The following BORCS8 variants were observed in gnomAD, a reference collection of about 807,000 sequenced individuals.
The protein encoded by BORCS8 is BLOC-1-related complex subunit 8.
BORCS8 carries 13 observed loss-of-function variants against 18.7 expected under a neutral mutation model. The observed-to-expected ratio is 0.70, with a 90% confidence interval of 0.45 to 1.11. The LOEUF is 1.11. Among genes scored for constraint, BORCS8 ranks in the 50% least tolerant of loss-of-function variants. The pLI, the probability that BORCS8 is intolerant of heterozygous loss-of-function variation, is 0.00. For synonymous variants in BORCS8, 68 were observed against 64.8 expected (o/e 1.05, Z -0.24); for missense variants, 165 against 165.7 (o/e 1.00, Z 0.02).
intron 1 of BORCS8, among the ~76,000 whole-genome samples, chr19:19,188,959 C>T (rs1460858324): frequency 6.6e-6 from 1 of 151,996 alleles, no homozygotes; most frequent in Non-Finnish European, 1.5e-5. Context: ...CTCAGCCTCC[C>T]GAGTAGCTGG....
intron 5 of BORCS8, chr19:19,177,696 GA>G (rs57579742): frequency 0.092 from 6,868 of 74,452 alleles, 498 homozygotes; most frequent in Middle Eastern, 0.14. Context: ...AAGGAAGGAA[GA>G]GAAAAGAAAA....
At chr19:19,188,657 C>G (rs1238488328) in intron 1 of BORCS8, among the ~76,000 whole-genome samples, 1 of 151,130 alleles carries the variant, frequency 6.6e-6, no homozygotes, top group Non-Finnish European at 1.5e-5. Context: ...ATATGGAAAC[C>G]TGTGTCCCTC....
rs186749354 is a variant in BORCS8, at chr19:19,185,434, T to C, written c.215+600A>G. On this transcript the variant is annotated intron_variant, in intron 3 of 5. Transcript: ENST00000462790. ...GGCGTGGTGGCTCGCATCTGTAATCTGAGCACTTTGGGAGGCTGAGGTGGG... is the reference window on the plus strand; with the variant it reads ...GGCGTGGTGGCTCGCATCTGTAATCCGAGCACTTTGGGAGGCTGAGGTGGG... Among the ~76,000 whole-genome samples, 11 of 152,300 alleles carry C rather than the reference T, an allele frequency of 7.2e-5. 1 individual carries two copies. The highest frequency in any genetic ancestry group is 5.9e-4 in the Admixed American group (9 of 15,296).
intron 3 of BORCS8, among the ~76,000 whole-genome samples, chr19:19,183,575 ATTTT>A (rs914945590): frequency 2.1e-4 from 31 of 149,492 alleles, no homozygotes; most frequent in Admixed American, 3.3e-4. Context: ...GGAGCTGAAT[ATTTT>A]TTTTCTTTCT....
At chr19:19,185,922 G>T in intron 3 of BORCS8, 112 bp downstream of exon 3, 1 of 1,107,702 alleles carries the variant, frequency 9.0e-7, no homozygotes, top group Non-Finnish European at 1.3e-6. Flanking sequence ...CACCCACTCG[G>T]GTAGGCCTGG....
Position 19,187,013 on chromosome 19 carries a change from C to G in BORCS8, c.38-8G>C. 1 of 1,547,690 alleles carries G rather than the reference C, an allele frequency of 6.5e-7. No homozygotes were observed. ...CAGTGAACTTGTCCGTGACTAGATACAGGTGGTAGGGATGGGGCGGGTGTG... is the reference window on the plus strand; with the variant it reads ...CAGTGAACTTGTCCGTGACTAGATAGAGGTGGTAGGGATGGGGCGGGTGTG... On this transcript the variant is annotated splice_region_variant and splice_polypyrimidine_tract_variant and intron_variant, in intron 1 of 5. Coordinates refer to ENST00000462790, the MANE Select transcript of BORCS8 (RefSeq NM_001145784.2).
rs1599754047 is a variant in BORCS8 at position 19,182,766 on chromosome 19, G to C, written c.216-83C>G. ...CCCCAGCACTTGAGGTCACCACCAGGGCTCGGTGGGTACCTCAGTGATTCT... is the reference window on the plus strand; with the variant it reads ...CCCCAGCACTTGAGGTCACCACCAGCGCTCGGTGGGTACCTCAGTGATTCT... On this transcript the variant is annotated intron_variant, in intron 3 of 5. Transcript: ENST00000462790. The surrounding 1 kb of genome is among the most constrained non-coding windows in gnomAD (Gnocchi z 4.1). The C allele has an allele frequency of 2.1e-6, 3 of 1,451,434 alleles. No individual in the cohort carries two copies. The East Asian group carries it at 7.5e-5, about 36-fold the overall frequency. The allele number at this position is 1,451,434 out of a possible 1,614,324, so 89.9% of individuals were successfully genotyped here.
At chr19:19,187,034 G>A (rs1404701944) in intron 1 of BORCS8, 29 bp from the exon 2 acceptor site, 1 of 1,512,506 alleles carries the variant, frequency 6.6e-7, no homozygotes, top group Non-Finnish European at 9.0e-7. Context: ...GATGGGGCGG[G>A]TGTGGGGAGA....
At position 19,187,600 on chromosome 19, in the gene BORCS8, G is replaced by T. The variant is rs183489805; in HGVS notation, c.38-595C>A. On this transcript the variant is annotated intron_variant, in intron 1 of 5. Transcript: ENST00000462790. ...TGTCATCAGGCTGGAGTGCAGTGGT[G>T]CAATCTCGGCTCACCACAACCTCCG... 1.1e-4 allele frequency among the ~76,000 whole-genome samples: 17 copies of T among 150,562 alleles called. No homozygotes were observed. In the East Asian group the frequency reaches 2.4e-3, roughly 21 times the overall value.
At chr19:19,181,634 A>T (rs1313937772) in intron 4 of BORCS8, among the ~76,000 whole-genome samples, 1 of 152,230 alleles carries the variant, frequency 6.6e-6, no homozygotes, top group Non-Finnish European at 1.5e-5. Flanking sequence ...GAGAAGCCAG[A>T]TGCCGCTCCT....
chr19:19,189,207 G>A (rs2060442000), intron 1 of BORCS8, among the ~76,000 whole-genome samples: 1 of 152,012 alleles, frequency 6.6e-6, no homozygotes. Context: ...AGCCAGCAGG[G>A]CCCGCCTTTC....
chr19:19,184,899 C>T (rs1401428402), intron 3 of BORCS8, among the ~76,000 whole-genome samples: 2 of 152,032 alleles, frequency 1.3e-5, no homozygotes, highest in South Asian at 2.1e-4. Context: ...TGCACCCGGC[C>T]GTATTTCTTT....
At chr19:19,183,819 C>T (rs1182413562) in intron 3 of BORCS8, among the ~76,000 whole-genome samples, 1 of 151,322 alleles carries the variant, frequency 6.6e-6, no homozygotes, top group Non-Finnish European at 1.5e-5. Flanking sequence ...ATCCTCCTGC[C>T]TCGGCCTCCA....
chr19:19,180,460 G>C, intron 5 of BORCS8: 1 of 584,660 alleles, frequency 1.7e-6, no homozygotes, highest in Admixed American at 3.0e-5. Flanking sequence ...AGAGAGGAAG[G>C]TGGTGGAGAG....
At chr19:19,183,752 T>G (rs2060375617) in intron 3 of BORCS8, among the ~76,000 whole-genome samples, 1 of 149,982 alleles carries the variant, frequency 6.7e-6, no homozygotes, top group Non-Finnish European at 1.5e-5. Context: ...ACCTGGCTAA[T>G]TTTTGTACTT....
intron 1 of BORCS8, among the ~76,000 whole-genome samples, 177 bp downstream of exon 1, chr19:19,191,904 G>A (rs984069249): frequency 1.3e-5 from 2 of 152,186 alleles, no homozygotes; most frequent in African/African-American, 2.4e-5. Flanking sequence ...GGGGGGACCG[G>A]TAATTAAAGC....
rs1488564424 is a variant in BORCS8, at chr19:19,182,572, C to A, written c.326+1G>T. 6.4e-7 allele frequency: 1 copy of A among 1,550,444 alleles called. No homozygotes were observed. On this transcript the variant is annotated splice_donor_variant, in intron 4 of 5. Coordinates refer to ENST00000462790, the MANE Select transcript of BORCS8 (RefSeq NM_001145784.2). LOFTEE classifies it high-confidence loss of function. The surrounding 1 kb of genome is among the most constrained non-coding windows in gnomAD (Gnocchi z 4.1). ...TGGGGGCGGGCGGTCCCAGGAGCTA[C>A]CTGTGGCCCTGGGCACTGGCATTCA...
chr19:19,190,864 C>T (rs185135687), intron 1 of BORCS8, among the ~76,000 whole-genome samples: 3 of 152,206 alleles, frequency 2.0e-5, no homozygotes, highest in East Asian at 1.9e-4. Context: ...TCATGCCCTC[C>T]GTTATCCATG....
Position 19,185,678 on chromosome 19 carries a change from T to A in BORCS8, c.215+356A>T, listed in dbSNP as rs148783308. 1.6e-4 allele frequency among the ~76,000 whole-genome samples: 24 copies of A among 152,256 alleles called. No homozygotes were observed. The East Asian group carries it at 4.6e-3, about 29-fold the overall frequency. ...TCCAGCCTGGGTGACAGAGTAAGATTCTGTCTCAAAAAAAATTTAAAAATA... is the reference window on the plus strand; with the variant it reads ...TCCAGCCTGGGTGACAGAGTAAGATACTGTCTCAAAAAAAATTTAAAAATA... On this transcript the variant is annotated intron_variant, in intron 3 of 5. Transcript: ENST00000462790.
Sources: gnomAD v4.1 joint callset for allele counts (sites outside exome capture counted in the v4.1 genomes callset) on GRCh38, gnomAD v4.1.1 for gene constraint, Gnocchi (gnomAD v3.1) non-coding constraint, MANE v1.5 for transcripts, NCBI Gene and HGNC (gene_info 2026-07-23, HGNC 2026-07-21) for gene names.